The following DLGAP1 variants were observed in gnomAD, a reference collection of about 807,000 sequenced individuals.
The protein encoded by DLGAP1 is disks large-associated protein 1.
DLGAP1 carries 11 observed loss-of-function variants against 90.8 expected under a neutral mutation model. That is an observed-to-expected ratio of 0.12 (90% CI 0.08 to 0.20). DLGAP1 has a LOEUF of 0.20. Ranked by LOEUF, DLGAP1 falls within the 10% of genes least tolerant of loss-of-function variation. The probability of loss-of-function intolerance (pLI) is 1.00; values close to 1 mark genes in which losing one functional copy is unlikely to be tolerated. For synonymous variants in DLGAP1, 558 were observed against 540.7 expected (o/e 1.03, Z -0.44); for missense variants, 1,050 against 1,333.8 (o/e 0.79, Z 3.31).
intron 5 of DLGAP1, among the ~76,000 whole-genome samples, chr18:3,771,590 T>G (rs8087633): frequency 0.13 from 20,165 of 152,276 alleles, 1,741 homozygotes; most frequent in African/African-American, 0.24. Context: ...ATAATACCAC[T>G]CTCCAAGTCA....
At position 3,565,707 on chromosome 18, in the gene DLGAP1, T is replaced by G. The variant is rs2054388332; in HGVS notation, c.2057+1783A>C. On this transcript the variant is annotated intron_variant, in intron 9 of 12. Transcript: ENST00000315677. The surrounding 1 kb of genome is among the most constrained non-coding windows in gnomAD (Gnocchi z 4.0). ...AAAATTAGCTGGGCGTGATGGTCCG[T>G]GCCTGTAGTCCCAGCCACTCGGGAG... Among the ~76,000 whole-genome samples, 1 of 151,790 alleles carries G rather than the reference T, an allele frequency of 6.6e-6. No individual in the cohort carries two copies. The highest frequency in any genetic ancestry group is 6.6e-5 in the Admixed American group (1 of 15,224).
rs146533007 is a variant in DLGAP1, at chr18:4,372,960, C to G, written c.-267+82046G>C. 5.1e-3 allele frequency among the ~76,000 whole-genome samples: 781 copies of G among 151,842 alleles called. 3 individuals carry two copies. Among genetic ancestry groups the G allele is most frequent in the Middle Eastern group, 0.02 (6 of 294 alleles). On this transcript the variant is annotated intron_variant, in intron 1 of 12. Coordinates refer to ENST00000315677, the MANE Select transcript of DLGAP1 (RefSeq NM_004746.4). ...AAAGAAAAGAAAAAAAGAAAAGGTA[C>G]AGATCAAAGACAAAACAAACAAAAT...
chr18:3,617,699 A>G (rs2145979145), intron 7 of DLGAP1, among the ~76,000 whole-genome samples: 1 of 152,282 alleles, frequency 6.6e-6, no homozygotes, highest in Middle Eastern at 3.4e-3. Flanking sequence ...GGTTGCCACA[A>G]ACCCTTGATT....
At chr18:3,651,815 A>T (rs1191192704) in intron 7 of DLGAP1, among the ~76,000 whole-genome samples, 1 of 152,012 alleles carries the variant, frequency 6.6e-6, no homozygotes. Flanking sequence ...TCTACTATAA[A>T]TACAAAATAG....
intron 6 of DLGAP1, among the ~76,000 whole-genome samples, chr18:3,741,086 CA>C (rs1300715701): frequency 3.9e-5 from 5 of 128,412 alleles, no homozygotes; most frequent in East Asian, 2.4e-4. Flanking sequence ...CCACCATCAC[CA>C]TCACCACCAC....
intron 7 of DLGAP1, chr18:3,722,158 A>C (rs2062005075): frequency 6.6e-6 from 1 of 152,200 alleles, no homozygotes. Context: ...TTTGCCATGC[A>C]ATAACCCCGA....
intron 1 of DLGAP1, among the ~76,000 whole-genome samples, chr18:4,216,438 C>T (rs183547137): frequency 3.9e-5 from 6 of 152,200 alleles, no homozygotes; most frequent in Admixed American, 1.3e-4. Flanking sequence ...TGTTTATTTT[C>T]ATTCATGTTC....
intron 10 of DLGAP1, among the ~76,000 whole-genome samples, chr18:3,528,541 A>G (rs566937346): frequency 2.0e-5 from 3 of 152,334 alleles, no homozygotes; most frequent in Admixed American, 6.5e-5. Context: ...TATCTGTTCT[A>G]TCAGACACTT....
chr18:4,291,172 G>T (rs908734001), intron 1 of DLGAP1, among the ~76,000 whole-genome samples: 4 of 152,112 alleles, frequency 2.6e-5, no homozygotes, highest in African/African-American at 7.2e-5. Flanking sequence ...TGGGCTTCCT[G>T]GTCTTGGCGC....
At chr18:4,237,986 G>A (rs998989257) in intron 1 of DLGAP1, among the ~76,000 whole-genome samples, 1 of 152,106 alleles carries the variant, frequency 6.6e-6, no homozygotes, top group Non-Finnish European at 1.5e-5. Flanking sequence ...AAGTATTTCA[G>A]GTATAGCATC....
Position 4,183,917 on chromosome 18 carries a change from C to T in DLGAP1, c.-266-32630G>A, listed in dbSNP as rs564532307. 9.9e-5 allele frequency among the ~76,000 whole-genome samples: 15 copies of T among 152,202 alleles called. 1 individual carries two copies. In the South Asian group the frequency reaches 2.9e-3, roughly 29 times the overall value. ...AAAGCTTTCCCAGTAAAAAGACAGA[C>T]CCGAGGGTATTTTCTCATCTTGTTG... On this transcript the variant is annotated intron_variant, in intron 1 of 12. Coordinates refer to ENST00000315677, the MANE Select transcript of DLGAP1 (RefSeq NM_004746.4).
intron 5 of DLGAP1, among the ~76,000 whole-genome samples, chr18:3,803,332 C>T (rs1004421428): frequency 3.3e-5 from 5 of 152,120 alleles, no homozygotes; most frequent in African/African-American, 9.7e-5. Context: ...GTGGAGAAGG[C>T]GACGACAATG....
chr18:4,434,409 G>A (rs2083355621), intron 1 of DLGAP1, among the ~76,000 whole-genome samples: 2 of 152,064 alleles, frequency 1.3e-5, no homozygotes, highest in African/African-American at 4.8e-5. Flanking sequence ...TCTGCACCTG[G>A]TTTTCTGAAC....
At chr18:4,250,757 G>A (rs1024171186) in intron 1 of DLGAP1, among the ~76,000 whole-genome samples, 1 of 152,092 alleles carries the variant, frequency 6.6e-6, no homozygotes, top group Non-Finnish European at 1.5e-5. Context: ...ACTCTAGTGT[G>A]TGGAAGTGAA....
intron 5 of DLGAP1, among the ~76,000 whole-genome samples, chr18:3,779,764 C>CTT (rs11355225): frequency 7.7e-5 from 11 of 142,516 alleles, no homozygotes; most frequent in Middle Eastern, 7.5e-3. Flanking sequence ...TCAGTGCACC[C>CTT]TTTTTTTTTT....
intron 1 of DLGAP1, among the ~76,000 whole-genome samples, chr18:4,403,493 A>G (rs2144547493): frequency 6.6e-6 from 1 of 152,320 alleles, no homozygotes; most frequent in Admixed American, 6.5e-5. Context: ...TTAACAAAAC[A>G]ATTTTTAAAT....
At chr18:4,227,550 T>A (rs1435959305) in intron 1 of DLGAP1, among the ~76,000 whole-genome samples, 1 of 151,890 alleles carries the variant, frequency 6.6e-6, no homozygotes, top group Non-Finnish European at 1.5e-5. Context: ...GAGAAATTTT[T>A]AAAACTATGC....
intron 1 of DLGAP1, among the ~76,000 whole-genome samples, chr18:4,261,405 G>T (rs1387728601): frequency 6.6e-6 from 1 of 152,036 alleles, no homozygotes; most frequent in Non-Finnish European, 1.5e-5. Context: ...GAGCCCCTTA[G>T]ATTTTCCTCA....
chr18:4,298,611 T>C (rs1298399244), intron 1 of DLGAP1, among the ~76,000 whole-genome samples: 1 of 144,196 alleles, frequency 6.9e-6, no homozygotes, highest in African/African-American at 2.6e-5. Context: ...TATCACACTC[T>C]GGGGACTGTT....
Sources: allele counts gnomAD v4.1 joint callset (sites outside exome capture counted in the v4.1 genomes callset), GRCh38; gene constraint gnomAD v4.1.1; non-coding constraint Gnocchi (gnomAD v3.1); transcripts MANE v1.5; gene names NCBI Gene and HGNC (gene_info 2026-07-23, HGNC 2026-07-21).